Variants in MED12L observed in about 807,000 individuals in gnomAD.
MED12L encodes mediator of RNA polymerase II transcription subunit 12-like protein.
Under a neutral mutation model 281.3 loss-of-function variants are expected in MED12L, and 60 were observed. The ratio of observed to expected loss-of-function variants is 0.21; its 90% confidence interval spans 0.17 to 0.26. The LOEUF (loss-of-function observed/expected upper bound fraction) is 0.26. Among genes scored for constraint, MED12L ranks in the 10% least tolerant of loss-of-function variants. The pLI, the probability that MED12L is intolerant of heterozygous loss-of-function variation, is 1.00. For synonymous variants in MED12L, 974 were observed against 987.2 expected (o/e 0.99, Z 0.25); for missense variants, 2,146 against 2,680.9 (o/e 0.80, Z 4.41).
chr3:151,133,423 C>A (rs1259967652), intron 5 of MED12L, among the ~76,000 whole-genome samples: 1 of 152,088 alleles, frequency 6.6e-6, no homozygotes, highest in Non-Finnish European at 1.5e-5. Context: ...ACTGTATACA[C>A]AAAAGTGAGA....
intron 1 of MED12L, chr3:151,086,514 AC>A (rs1252698870): frequency 4.9e-5 from 6 of 121,852 alleles, no homozygotes; most frequent in South Asian, 2.7e-4. Flanking sequence ...CCCCACCCCC[AC>A]CCCCATCCTG....
intron 16 of MED12L, among the ~76,000 whole-genome samples, chr3:151,340,099 A>G (rs1294224657): frequency 6.6e-6 from 1 of 152,138 alleles, no homozygotes; most frequent in Non-Finnish European, 1.5e-5. Flanking sequence ...TTCAATTTTC[A>G]GCATCTCCTC....
intron 12 of MED12L, among the ~76,000 whole-genome samples, chr3:151,186,228 CTG>C (rs1723250849): frequency 6.6e-6 from 1 of 152,208 alleles, no homozygotes; most frequent in African/African-American, 2.4e-5. Flanking sequence ...CTGCCTGTGA[CTG>C]TTAGCAGGGA....
intron 11 of MED12L, among the ~76,000 whole-genome samples, chr3:151,184,096 A>T (rs1559850477): frequency 6.6e-6 from 1 of 152,204 alleles, no homozygotes; most frequent in Non-Finnish European, 1.5e-5. Flanking sequence ...AATTAGGAAA[A>T]CAGAGCTCCC....
chr3:151,256,561 T>A (rs1198235398), intron 16 of MED12L, among the ~76,000 whole-genome samples: 1 of 152,302 alleles, frequency 6.6e-6, no homozygotes, highest in Non-Finnish European at 1.5e-5. Context: ...ATTTTTTTCC[T>A]AATGTAGGCA....
At chr3:151,117,426 CAG>C (rs1712993992) in intron 3 of MED12L, among the ~76,000 whole-genome samples, 1 of 152,124 alleles carries the variant, frequency 6.6e-6, no homozygotes, top group South Asian at 2.1e-4. Context: ...TCTCAGTGGA[CAG>C]AGATGGGACA....
At chr3:151,131,347 T>G (rs910955832) in intron 5 of MED12L, among the ~76,000 whole-genome samples, 1 of 152,142 alleles carries the variant, frequency 6.6e-6, no homozygotes, top group Non-Finnish European at 1.5e-5. Flanking sequence ...ATGCCTATAA[T>G]CCCACCACTT....
intron 16 of MED12L, among the ~76,000 whole-genome samples, chr3:151,224,228 TA>T (rs1730016126): frequency 6.6e-6 from 1 of 152,210 alleles, no homozygotes; most frequent in South Asian, 2.1e-4. Context: ...CTTATAAAGG[TA>T]CAACTTTTAT....
At chr3:151,411,577 G>C in intron 41 of MED12L, 70 bp downstream of exon 41, 1 of 1,343,540 alleles carries the variant, frequency 7.4e-7, no homozygotes, top group South Asian at 1.2e-5. Context: ...GCTTCTTATA[G>C]GGCATGGTAC....
At chr3:151,099,201 G>A (rs1230217384) in intron 2 of MED12L, among the ~76,000 whole-genome samples, 1 of 152,182 alleles carries the variant, frequency 6.6e-6, no homozygotes, top group Non-Finnish European at 1.5e-5. Context: ...ACGTTATTTG[G>A]ATGGCAGAAT....
chr3:151,193,567 G>T lies in MED12L; in HGVS notation c.2151G>T (p.Glu717Asp). The change falls in exon 16 of 45, where the codon GAG (glutamate) becomes GAT (aspartate). Residue 717 changes from glutamate to aspartate, a missense_variant. Physicochemically the swap from Glu to Asp is conservative, Grantham distance 45 (BLOSUM62 2). Around this residue, in one of 9 missense-constraint regions of MED12L, gnomAD observed 722 missense variants for 861.2 expected, o/e 0.84. Transcript: ENST00000687756. ...SLGRRMSVNC[E>D]KLVKREKPRE... ...GCAGAAGAATGTCAGTTAATTGTGA[G>T]AAGTTGGTGAAGAGGGAAAAGCCAA... 2 of 1,614,050 alleles carry T rather than the reference G, an allele frequency of 1.2e-6. No homozygotes were observed. Among genetic ancestry groups the T allele is most frequent in the Non-Finnish European group, 1.7e-6 (2 of 1,179,920 alleles).
At chr3:151,205,143 C>T (rs938775385) in intron 16 of MED12L, among the ~76,000 whole-genome samples, 3 of 152,150 alleles carry the variant, frequency 2.0e-5, no homozygotes, top group Non-Finnish European at 2.9e-5. Context: ...CTATAAGCCA[C>T]TTTTTTCTAT....
chr3:151,217,469 C>T (rs1218849848), intron 16 of MED12L, among the ~76,000 whole-genome samples: 1 of 152,242 alleles, frequency 6.6e-6, no homozygotes, highest in Admixed American at 6.5e-5. Flanking sequence ...AAGGGACTGA[C>T]TGACCAAGGT....
intron 16 of MED12L, among the ~76,000 whole-genome samples, chr3:151,206,037 G>A (rs905407783): frequency 1.3e-5 from 2 of 149,814 alleles, no homozygotes; most frequent in Non-Finnish European, 3.0e-5. Flanking sequence ...CTCTATAGCC[G>A]TTGTGCTTCA....
Position 151,396,622 on chromosome 3 carries a change from T to G in MED12L, c.5820+1755T>G, listed in dbSNP as rs1210229348. Among the ~76,000 whole-genome samples the G allele has an allele frequency of 2.6e-5, 4 of 152,364 alleles. No individual in the cohort carries two copies. The East Asian group carries it at 7.7e-4, about 29-fold the overall frequency. ...GCCCGGTCAACAGAGTGAGACTCCG[T>G]CTCAAGAAAAATAAATAAAATAATA... On this transcript the variant is annotated intron_variant, in intron 39 of 44. Transcript: ENST00000687756.
At chr3:151,107,823 T>C (rs1285561059) in intron 2 of MED12L, among the ~76,000 whole-genome samples, 1 of 152,180 alleles carries the variant, frequency 6.6e-6, no homozygotes, top group African/African-American at 2.4e-5. Context: ...GCCACCAAGA[T>C]ACAGAGATCA....
intron 16 of MED12L, among the ~76,000 whole-genome samples, chr3:151,284,286 G>T (rs1424281528): frequency 4.1e-5 from 6 of 146,070 alleles, no homozygotes; most frequent in East Asian, 4.0e-4. Context: ...AGTTTTGTTT[G>T]TTTTTTTTTT....
At chr3:151,214,226 TA>T in intron 16 of MED12L, 1 of 1,613,978 alleles carries the variant, frequency 6.2e-7, no homozygotes, top group South Asian at 1.1e-5. Flanking sequence ...ATGAAGACCA[TA>T]CAGTACAGCA....
In MED12L at chr3:151,328,586, G is replaced by T. The variant is rs772189699; in HGVS notation, c.2251-21473G>T. Reference sequence around the variant, plus strand: ...GATTGAGACCGTTTTTGCAAAAACAGGTTTTTTTAGAAAAATATTTCTCAA... The same window carrying T: ...GATTGAGACCGTTTTTGCAAAAACATGTTTTTTTAGAAAAATATTTCTCAA... On this transcript the variant is annotated intron_variant, in intron 16 of 44. Coordinates refer to ENST00000687756, the MANE Select transcript of MED12L (RefSeq NM_001393769.1). The T allele has an allele frequency of 5.6e-6, 9 of 1,613,624 alleles. No individual in the cohort carries two copies. The Admixed American group carries it at 1.0e-4, about 18-fold the overall frequency.
Sources: gnomAD v4.1 joint callset for allele counts (sites outside exome capture counted in the v4.1 genomes callset) on GRCh38, gnomAD v4.1.1 for gene constraint, gnomAD v4.1.1 regional missense constraint, MANE v1.5 for transcripts, NCBI Gene and HGNC (gene_info 2026-07-23, HGNC 2026-07-21) for gene names.